The following GRM1 variants were observed in gnomAD, a reference collection of about 807,000 sequenced individuals.
The protein encoded by GRM1 is metabotropic glutamate receptor 1.
Under a neutral mutation model 90.9 loss-of-function variants are expected in GRM1, and 33 were observed. The observed-to-expected ratio is 0.36, with a 90% confidence interval of 0.28 to 0.49. The LOEUF is 0.49. GRM1 is among the 20% of genes least tolerant of loss of function. The pLI, the probability that GRM1 is intolerant of heterozygous loss-of-function variation, is 0.99. For synonymous variants in GRM1, 700 were observed against 613.2 expected (o/e 1.14, Z -2.09); for missense variants, 1,190 against 1,534.3 (o/e 0.78, Z 3.75).
chr6:146,302,308 G>T (rs1393695613), intron 2 of GRM1, among the ~76,000 whole-genome samples: 1 of 148,704 alleles, frequency 6.7e-6, no homozygotes, highest in African/African-American at 2.5e-5. Context: ...ACACAAGCAG[G>T]CACACGTGTC....
intron 2 of GRM1, among the ~76,000 whole-genome samples, chr6:146,238,243 T>G (rs897280890): frequency 5.3e-5 from 8 of 152,120 alleles, no homozygotes; most frequent in Non-Finnish European, 1.0e-4. Flanking sequence ...AAATGAAAAA[T>G]GGATAGGACC....
chr6:146,125,467 C>T (rs967343997), intron 1 of GRM1, among the ~76,000 whole-genome samples: 1 of 151,178 alleles, frequency 6.6e-6, no homozygotes, highest in African/African-American at 2.4e-5. Flanking sequence ...TTCTCTGCCC[C>T]CCCCTCAACT....
intron 1 of GRM1, among the ~76,000 whole-genome samples, chr6:146,077,765 A>C (rs555386004): frequency 6.6e-6 from 1 of 152,324 alleles, no homozygotes; most frequent in African/African-American, 2.4e-5. Context: ...TTCCACAAGT[A>C]TTTGCTAAAT....
chr6:146,339,321 C>T lies in GRM1; in HGVS notation c.1187-12929C>T, dbSNP rs362860. On this transcript the variant is annotated intron_variant, in intron 3 of 7. Transcript: ENST00000282753. ...ACCTTAACATGGAACATAATTTTTG[C>T]TCTATGTTTAAGGGACTTGAAGAAC... Among the ~76,000 whole-genome samples the T allele has an allele frequency of 4.8e-3, 730 of 152,246 alleles. 4 individuals carry two copies. Among genetic ancestry groups the T allele is most frequent in the African/African-American group, 0.017 (700 of 41,550 alleles).
intron 2 of GRM1, among the ~76,000 whole-genome samples, chr6:146,298,818 C>A (rs541051992): frequency 6.6e-6 from 1 of 152,074 alleles, no homozygotes; most frequent in Non-Finnish European, 1.5e-5. Flanking sequence ...AAAATGGGAC[C>A]GTCTTCTCGT....
chr6:146,431,031 A>G (rs1778388069), intron 7 of GRM1, among the ~76,000 whole-genome samples: 1 of 152,338 alleles, frequency 6.6e-6, no homozygotes, highest in South Asian at 2.1e-4. Context: ...GAAATGACTC[A>G]TCTTGAAGAA....
intron 3 of GRM1, among the ~76,000 whole-genome samples, chr6:146,320,309 GA>G (rs1784128518): frequency 6.6e-6 from 1 of 152,188 alleles, no homozygotes; most frequent in Non-Finnish European, 1.5e-5. Flanking sequence ...TACCAGGGAT[GA>G]AGCTGACTTG....
chr6:146,292,863 C>T (rs1783037873), intron 2 of GRM1, among the ~76,000 whole-genome samples: 1 of 151,872 alleles, frequency 6.6e-6, no homozygotes, highest in South Asian at 2.1e-4. Flanking sequence ...ATGGAAACAA[C>T]CCAAAAGCTC....
intron 7 of GRM1, among the ~76,000 whole-genome samples, chr6:146,414,988 C>T (rs1380248570): frequency 6.6e-6 from 1 of 152,118 alleles, no homozygotes; most frequent in Non-Finnish European, 1.5e-5. Flanking sequence ...TGCATTATTA[C>T]TGTATTGCAT....
chr6:146,044,641 G>A (rs987650451), intron 1 of GRM1, among the ~76,000 whole-genome samples: 3 of 151,902 alleles, frequency 2.0e-5, no homozygotes, highest in Non-Finnish European at 4.4e-5. Flanking sequence ...TTAATCTTTG[G>A]CTAGAAGCAC....
intron 2 of GRM1, among the ~76,000 whole-genome samples, chr6:146,300,731 C>A (rs1250076771): frequency 6.6e-6 from 1 of 151,840 alleles, no homozygotes; most frequent in African/African-American, 2.4e-5. Flanking sequence ...GGGTCACTAC[C>A]CAGCACAGCA....
chr6:146,178,896 C>G lies in GRM1; in HGVS notation c.950+19299C>G, dbSNP rs76153230. ...TGCTAAGGTGAAGCTGGGTTAGGAA[C>G]ATCCCTGTGATTTAATTCAAAGATG... is the stretch of plus-strand genomic sequence containing the variant. On this transcript the variant is annotated intron_variant, in intron 2 of 7. Transcript: ENST00000282753. 9.7e-3 allele frequency among the ~76,000 whole-genome samples: 1,483 copies of G among 152,254 alleles called. 15 individuals are homozygous for G. Among genetic ancestry groups the G allele is most frequent in the African/African-American group, 0.034 (1,428 of 41,534 alleles).
At chr6:146,134,878 C>T (rs1353894216) in intron 1 of GRM1, among the ~76,000 whole-genome samples, 2 of 152,106 alleles carry the variant, frequency 1.3e-5, no homozygotes, top group African/African-American at 4.8e-5. Context: ...TTGCAGTGAG[C>T]CAAGATGGCA....
intron 1 of GRM1, among the ~76,000 whole-genome samples, chr6:146,059,986 C>T (rs1775608214): frequency 6.6e-6 from 1 of 152,176 alleles, no homozygotes; most frequent in Non-Finnish European, 1.5e-5. Flanking sequence ...GTCTCCTTAA[C>T]AGCAATAAGG....
At position 146,399,332 on chromosome 6, in the gene GRM1, A is replaced by G; in HGVS notation, c.2293A>G (p.Met765Val). 1 of 1,614,150 alleles carries G rather than the reference A, an allele frequency of 6.2e-7. No individual in the cohort carries two copies. The highest frequency in any genetic ancestry group is 8.5e-7 in the Non-Finnish European group (1 of 1,180,002). The change falls in exon 7 of 8, where the codon ATG (methionine) becomes GTG (valine). Residue 765 changes from methionine (M) to valine (V), a missense_variant. Physicochemically the swap from Met to Val is conservative, Grantham distance 21. Around this residue, in one of 10 missense-constraint regions of GRM1, gnomAD observed 73 missense variants for 150.6 expected, o/e 0.48. Coordinates refer to ENST00000282753, the MANE Select transcript of GRM1 (RefSeq NM_001278064.2). The surrounding 1 kb of genome is among the most constrained non-coding windows in gnomAD (Gnocchi z 5.4). ...TTTGGGCTACAATGGACTCCTCATC[A>G]TGAGCTGTACCTACTATGCCTTCAA... Reference protein sequence around the residue: ...APLGYNGLLIMSCTYYAFKTR... With the variant: ...APLGYNGLLIVSCTYYAFKTR...
intron 1 of GRM1, among the ~76,000 whole-genome samples, chr6:146,114,650 C>A (rs1283130394): frequency 6.6e-6 from 1 of 152,016 alleles, no homozygotes; most frequent in East Asian, 1.9e-4. Context: ...TAAAAGCAGG[C>A]TGATTTTCAA....
rs576424125 is a variant in GRM1 at position 146,259,297 on chromosome 6, G to T, written c.951-45314G>T. 1.6e-4 allele frequency among the ~76,000 whole-genome samples: 24 copies of T among 152,024 alleles called. No homozygotes were observed. The South Asian group carries it at 4.6e-3, about 29-fold the overall frequency. On this transcript the variant is annotated intron_variant, in intron 2 of 7. Transcript: ENST00000282753. ...CTCAGTGCTTATCACACTGACTTTG[G>T]TTTTTAATTGTGTAAGAATACTTAA...
chr6:146,043,405 G>T (rs2128842639), intron 1 of GRM1, among the ~76,000 whole-genome samples: 1 of 151,960 alleles, frequency 6.6e-6, no homozygotes, highest in South Asian at 2.1e-4. Context: ...ATTTCTTAAA[G>T]GTCAGAACAG....
intron 1 of GRM1, among the ~76,000 whole-genome samples, chr6:146,064,807 A>T (rs1049922123): frequency 4.8e-4 from 73 of 151,392 alleles, no homozygotes; most frequent in African/African-American, 1.3e-3. Context: ...AAAAAAAAAA[A>T]TTTTGTTCTT....
Sources: allele counts gnomAD v4.1 joint callset (sites outside exome capture counted in the v4.1 genomes callset), GRCh38; gene constraint gnomAD v4.1.1; regional missense constraint gnomAD v4.1.1; non-coding constraint Gnocchi (gnomAD v3.1); transcripts MANE v1.5; gene names NCBI Gene and HGNC (gene_info 2026-07-23, HGNC 2026-07-21).